Variants in ACTG1 observed in about 807,000 individuals in gnomAD.
ACTG1 encodes the protein actin gamma 1, also known as actin, cytoplasmic 2.
In ACTG1, 14 loss-of-function variants were observed where a neutral mutation model predicts 34.3. That is an observed-to-expected ratio of 0.41 (90% CI 0.27 to 0.64). The LOEUF (loss-of-function observed/expected upper bound fraction) is 0.64, where lower values mean the gene tolerates loss of function less well. ACTG1 is among the 30% of genes least tolerant of loss of function. The pLI, the probability that ACTG1 is intolerant of heterozygous loss-of-function variation, is 0.33. For synonymous variants in ACTG1, 422 were observed against 213.9 expected, an observed-to-expected ratio of 1.97 and a Z score of -8.49; for missense variants, 233 against 529.5, an observed-to-expected ratio of 0.44 and a Z score of 5.50.
rs879947304 is a variant in ACTG1 at position 81,510,924 on chromosome 17, C to A, written c.984+3G>T. 1.9e-6 allele frequency: 3 copies of A among 1,614,042 alleles called. No individual in the cohort carries two copies. In the East Asian group the frequency reaches 6.7e-5, roughly 36 times the overall value. The stretch of plus-strand genomic sequence containing the variant: ...GCAGAGGGCCACCAACCCCTCGACT[C>A]ACCTTGATCTTCATGGTGCTGGGCG... On this transcript the variant is annotated splice_donor_region_variant and intron_variant, in intron 5 of 5. Coordinates refer to ENST00000573283, the MANE Select transcript of ACTG1 (RefSeq NM_001614.5).
chr17:81,511,198 A>C lies in ACTG1; in HGVS notation c.792T>G (p.Pro264=), dbSNP rs1555666602. ...GCTCACAACACCTACCCAGGAAGGA[A>C]GGCTGGAACAGCGCCTCCGGACACC... ...RFRCPEALFQ[P]SFLGMESCGI... The change falls in exon 4 of 6, where the codon CCT becomes CCG. Residue 264 remains proline, a synonymous_variant. Coordinates refer to ENST00000573283, the MANE Select transcript of ACTG1 (RefSeq NM_001614.5). The C allele has an allele frequency of 6.2e-7, 1 of 1,613,736 alleles. No homozygotes were observed. Among genetic ancestry groups the C allele is most frequent in the Admixed American group, 1.7e-5 (1 of 60,032 alleles).
chr17:81,512,529 T>G (rs1480566439), intron 1 of ACTG1, 169 bp from the exon 2 acceptor site: 2 of 1,107,090 alleles, frequency 1.8e-6, no homozygotes, highest in Admixed American at 2.0e-5. Context: ...TTACGTAACG[T>G]CCACGGCTCG....
Position 81,510,940 on chromosome 17 carries a change from G to C in ACTG1, c.971C>G (p.Thr324Ser), listed in dbSNP as rs1555666463. The C allele has an allele frequency of 6.2e-7, 1 of 1,614,092 alleles. No homozygotes were observed. Among genetic ancestry groups the C allele is most frequent in the Admixed American group, 1.7e-5 (1 of 60,026 alleles). Residue 324 changes from threonine (T) to serine (S), a missense_variant, in exon 5 of 6, where the codon ACC becomes AGC. Coordinates refer to ENST00000573283, the MANE Select transcript of ACTG1 (RefSeq NM_001614.5). ...CCCTCGACTCACCTTGATCTTCATG[G>C]TGCTGGGCGCCAGGGCGGTGATCTC... ...QKEITALAPS[T>S]MKIKIIAPPE... is the part of the protein sequence containing the mutation.
rs1433816139 is a variant in ACTG1 at position 81,510,714 on chromosome 17, G to A, written c.1104C>T (p.Ser368=). The A allele has an allele frequency of 3.1e-6, 5 of 1,613,976 alleles. No homozygotes were observed. In the African/African-American group the frequency reaches 5.3e-5, roughly 17 times the overall value. ...TTTAGAAGCATTTGCGGTGGACGAT[G>A]GAGGGGCCCGACTCGTCGTACTCCT... is the stretch of plus-strand genomic sequence containing the variant. ...SKQEYDESGP[S]IVHRKCF is the part of the protein sequence containing the mutation. The change falls in exon 6 of 6, where the codon TCC becomes TCT. Residue 368 remains serine (S), a synonymous_variant. Coordinates refer to ENST00000573283, the MANE Select transcript of ACTG1 (RefSeq NM_001614.5).
chr17:81,510,885 C>T, intron 5 of ACTG1, 42 bp downstream of exon 5: 1 of 1,613,734 alleles, frequency 6.2e-7, no homozygotes, highest in Non-Finnish European at 8.5e-7. Flanking sequence ...CCCCAGTCAG[C>T]TCTCCCGAGC....
rs1384128813 is a variant in ACTG1, at chr17:81,511,723, G to A, written c.364-97C>T. The A allele has an allele frequency of 2.4e-5, 37 of 1,518,260 alleles. No individual in the cohort carries two copies. In the African/African-American group the frequency reaches 2.5e-4, roughly 10 times the overall value. 94.0% of individuals were successfully genotyped at this position (1,518,260 alleles called of 1,614,324 possible). A position where few individuals can be genotyped will look rare whatever the true frequency, so the allele number is the denominator to read the frequency against. On this transcript the variant is annotated intron_variant, in intron 3 of 5. Coordinates refer to ENST00000573283, the MANE Select transcript of ACTG1 (RefSeq NM_001614.5). ...ATGCTGCATGCCAGTGTGATGTGTG[G>A]AGAAAAGAAAAGAACGCAGGCAGAA...
At position 81,510,994 on chromosome 17, in the gene ACTG1, T is replaced by TA; in HGVS notation, c.916dup (p.Tyr306LeufsTer53). 1.2e-6 allele frequency: 2 copies of TA among 1,613,984 alleles called. No homozygotes were observed. The highest frequency in any genetic ancestry group is 1.7e-6 in the Non-Finnish European group (2 of 1,179,994). On this transcript the variant is annotated frameshift_variant, in exon 5 of 6. Transcript: ENST00000573283. LOFTEE classifies it high-confidence loss of function. ...CTGCATCCTGTCGGCAATGCCCGGG[T>TA]ACATGGTGGTGCCGCCCGACAGCAC...
In ACTG1 at chr17:81,511,324, G is replaced by A. The variant is rs376839455; in HGVS notation, c.666C>T (p.Asp222=). 22 of 1,613,694 alleles carry A rather than the reference G, an allele frequency of 1.4e-5. No homozygotes were observed. Among genetic ancestry groups the A allele is most frequent in the African/African-American group, 5.3e-5 (4 of 74,930 alleles). Residue 222 remains aspartate, a synonymous_variant, in exon 4 of 6, where the codon GAC becomes GAT. Coordinates refer to ENST00000573283, the MANE Select transcript of ACTG1 (RefSeq NM_001614.5). ...IKEKLCYVAL[D]FEQEMATAAS... is the part of the protein sequence containing the mutation. Reference sequence around the variant, plus strand: ...CGGCGGTGGCCATCTCCTGCTCGAAGTCCAGGGCGACGTAGCACAGCTTCT... The same window carrying A: ...CGGCGGTGGCCATCTCCTGCTCGAAATCCAGGGCGACGTAGCACAGCTTCT...
chr17:81,512,755 G>C lies in ACTG1; in HGVS notation c.-28C>G, dbSNP rs782317187. ...TCACCGGCAGAGAAACGCGACGGCGGAGCGGCGGAAGAACAGAGTGCGAGA... is the reference window on the plus strand; with the variant it reads ...TCACCGGCAGAGAAACGCGACGGCGCAGCGGCGGAAGAACAGAGTGCGAGA... On this transcript the variant is annotated 5_prime_UTR_variant, in exon 1 of 6. Coordinates refer to ENST00000573283, the MANE Select transcript of ACTG1 (RefSeq NM_001614.5). 1.4e-5 allele frequency: 6 copies of C among 414,124 alleles called. No homozygotes were observed. Among genetic ancestry groups the C allele is most frequent in the African/African-American group, 6.6e-5 (3 of 45,664 alleles). The allele number at this position is 414,124 out of a possible 1,614,324, so 25.7% of individuals were successfully genotyped here.
chr17:81,511,795 G>C (rs530502882), intron 3 of ACTG1, 108 bp downstream of exon 3: 4 of 1,584,496 alleles, frequency 2.5e-6, no homozygotes, highest in Admixed American at 3.4e-5. Context: ...GCCGGGAGAG[G>C]AACAGAGCCT....
Position 81,510,497 on chromosome 17 carries a change from T to C in ACTG1, c.*193A>G. The C allele has an allele frequency of 1.3e-6, 1 of 777,146 alleles. No homozygotes were observed. Among genetic ancestry groups the C allele is most frequent in the East Asian group, 2.7e-5 (1 of 37,388 alleles). 48.1% of individuals were successfully genotyped at this position (777,146 alleles called of 1,614,324 possible). On this transcript the variant is annotated 3_prime_UTR_variant, in exon 6 of 6. Transcript: ENST00000573283. ...CAAATACCAAGGGGAACAGTTAACT[T>C]CAATACAAGGTCAAAATCAGCAACA... is the stretch of plus-strand genomic sequence containing the variant.
intron 3 of ACTG1, 125 bp downstream of exon 3, chr17:81,511,778 A>T: frequency 6.4e-7 from 1 of 1,560,664 alleles, no homozygotes; most frequent in Non-Finnish European, 8.7e-7. Context: ...GGCTTCAGGG[A>T]GGAAATGCCG....
Position 81,510,382 on chromosome 17 carries a change from T to G in ACTG1, c.*308A>C. 1 of 486,094 alleles carries G rather than the reference T, an allele frequency of 2.1e-6. No homozygotes were observed. The highest frequency in any genetic ancestry group is 5.1e-5 in the East Asian group (1 of 19,668). 30.1% of individuals were successfully genotyped at this position (486,094 alleles called of 1,614,324 possible). On this transcript the variant is annotated 3_prime_UTR_variant, in exon 6 of 6. Coordinates refer to ENST00000573283, the MANE Select transcript of ACTG1 (RefSeq NM_001614.5). ...ACAGACTCACCAAGCCACAGACTTG[T>G]CTTCCACAAGCACGTTCTTACCTTA...
chr17:81,512,266 A>G lies in ACTG1; in HGVS notation c.89T>C (p.Val30Ala). The change falls in exon 2 of 6, where the codon GTG becomes GCG. Residue 30 changes from valine to alanine, a missense_variant. Physicochemically the swap from Val to Ala is moderately conservative, Grantham distance 64 (BLOSUM62 0). Coordinates refer to ENST00000573283, the MANE Select transcript of ACTG1 (RefSeq NM_001614.5). ...GGGGCGCCCGACGATGGAAGGAAAC[A>G]CGGCTCGGGGAGCGTCGTCCCCAGC... Reference protein sequence around the residue: ...GFAGDDAPRAVFPSIVGRPRH... With the variant: ...GFAGDDAPRAAFPSIVGRPRH... The G allele has an allele frequency of 6.2e-7, 1 of 1,613,730 alleles. No homozygotes were observed. Among genetic ancestry groups the G allele is most frequent in the Non-Finnish European group, 8.5e-7 (1 of 1,179,940 alleles).
chr17:81,512,262 A>T lies in ACTG1; in HGVS notation c.93T>A (p.Phe31Leu). 6.2e-7 allele frequency: 1 copy of T among 1,613,740 alleles called. No individual in the cohort carries two copies. Among genetic ancestry groups the T allele is most frequent in the Non-Finnish European group, 8.5e-7 (1 of 1,179,946 alleles). Residue 31 changes from phenylalanine (F) to leucine (L), a missense_variant, in exon 2 of 6, where the codon TTT (phenylalanine) becomes TTA (leucine). Phe to Leu is a conservative substitution (Grantham distance 22, BLOSUM62 0). Coordinates refer to ENST00000573283, the MANE Select transcript of ACTG1 (RefSeq NM_001614.5). ...FAGDDAPRAVFPSIVGRPRHQ... is the reference protein window; with the variant it reads ...FAGDDAPRAVLPSIVGRPRHQ... ...GTCTGGGGCGCCCGACGATGGAAGG[A>T]AACACGGCTCGGGGAGCGTCGTCCC... is the stretch of plus-strand genomic sequence containing the variant.
In ACTG1 at chr17:81,510,914, C is replaced by T. The variant is rs782115419; in HGVS notation, c.984+13G>A. 5.6e-6 allele frequency: 9 copies of T among 1,613,976 alleles called. No homozygotes were observed. The highest frequency in any genetic ancestry group is 6.8e-6 in the Non-Finnish European group (8 of 1,179,968). ...CCCGAGCCAGGCAGAGGGCCACCAA[C>T]CCCTCGACTCACCTTGATCTTCATG... is the stretch of plus-strand genomic sequence containing the variant. On this transcript the variant is annotated intron_variant, in intron 5 of 5. Coordinates refer to ENST00000573283, the MANE Select transcript of ACTG1 (RefSeq NM_001614.5).
chr17:81,510,113 AT>A lies in ACTG1; in HGVS notation c.*576del, dbSNP rs1308271768. ...TGCGTACAAAAAAAACCTTACATAAATTAAGAATGAATACATTTACAGGCGT... is the reference window on the plus strand; with the variant it reads ...TGCGTACAAAAAAAACCTTACATAAATAAGAATGAATACATTTACAGGCGT... On this transcript the variant is annotated 3_prime_UTR_variant, in exon 6 of 6. Coordinates refer to ENST00000573283, the MANE Select transcript of ACTG1 (RefSeq NM_001614.5). The A allele has an allele frequency of 2.1e-5, 10 of 466,510 alleles. No individual in the cohort carries two copies. Among genetic ancestry groups the A allele is most frequent in the Non-Finnish European group, 3.4e-5 (8 of 238,338 alleles). 28.9% of individuals were successfully genotyped at this position (466,510 alleles called of 1,614,324 possible).
intron 1 of ACTG1, 38 bp downstream of exon 1, chr17:81,512,696 T>A: frequency 2.5e-6 from 1 of 404,154 alleles, no homozygotes; most frequent in Non-Finnish European, 4.7e-6. Flanking sequence ...GGCGCAGGCC[T>A]GCGACGTCCA....
At chr17:81,512,673 G>T in intron 1 of ACTG1, 61 bp downstream of exon 1, 1 of 409,134 alleles carries the variant, frequency 2.4e-6, no homozygotes, top group Non-Finnish European at 4.6e-6. Flanking sequence ...AGCGGGGCCA[G>T]CCGGGGTCGG....
Sources: allele counts gnomAD v4.1 joint callset, GRCh38; gene constraint gnomAD v4.1.1; transcripts MANE v1.5; gene names NCBI Gene and HGNC (gene_info 2026-07-23, HGNC 2026-07-21).